LAMA2: variants seen among roughly 807,000 people sequenced by gnomAD.
The protein encoded by LAMA2 is laminin subunit alpha 2, also known as laminin subunit alpha-2.
In LAMA2, 269 loss-of-function variants were observed where a neutral mutation model predicts 364.8. The observed-to-expected ratio is 0.74, with a 90% CI of 0.67 to 0.82. LAMA2 has a LOEUF of 0.82. LAMA2 is among the 40% of genes least tolerant of loss of function. LAMA2 has a pLI of 0.00. For synonymous variants in LAMA2, 1,379 were observed against 1,370.6 expected, an observed-to-expected ratio of 1.01 and a Z score of -0.14; for missense variants, 3,807 against 3,873.2, an observed-to-expected ratio of 0.98 and a Z score of 0.45.
At chr6:129,467,374 G>C (rs1318172656) in intron 51 of LAMA2, among the ~76,000 whole-genome samples, 2 of 151,786 alleles carry the variant, frequency 1.3e-5, no homozygotes, top group Non-Finnish European at 2.9e-5. Flanking sequence ...GGGAGGAGAA[G>C]GGGTGAAGAT....
At chr6:129,353,424 G>A (rs1257533185) in intron 32 of LAMA2, 67 bp downstream of exon 32, 3 of 1,283,454 alleles carry the variant, frequency 2.3e-6, no homozygotes, top group Non-Finnish European at 3.4e-6. Context: ...TTTCCAATGA[G>A]AAAGAGTGAC....
intron 31 of LAMA2, among the ~76,000 whole-genome samples, chr6:129,349,979 G>A (rs1397945257): frequency 6.6e-6 from 1 of 152,156 alleles, no homozygotes; most frequent in Non-Finnish European, 1.5e-5. Flanking sequence ...CATAATGCAT[G>A]TATACAGCTG....
intron 3 of LAMA2, among the ~76,000 whole-genome samples, chr6:129,071,364 CTTGA>C (rs990962298): frequency 6.6e-6 from 1 of 151,860 alleles, no homozygotes; most frequent in Admixed American, 6.6e-5. Context: ...CAGTTTTGGG[CTTGA>C]TTGATTTTCT....
intron 1 of LAMA2, among the ~76,000 whole-genome samples, chr6:128,985,775 AT>A (rs1783195310): frequency 6.6e-6 from 1 of 152,150 alleles, no homozygotes; most frequent in South Asian, 2.1e-4. Flanking sequence ...ATCTGCAAAT[AT>A]TTAAGTATGC....
intron 12 of LAMA2, among the ~76,000 whole-genome samples, chr6:129,249,406 A>G (rs1008003279): frequency 6.6e-6 from 1 of 152,198 alleles, no homozygotes; most frequent in African/African-American, 2.4e-5. Flanking sequence ...AATTTCTACA[A>G]GGTGACTGTC....
intron 37 of LAMA2, among the ~76,000 whole-genome samples, chr6:129,393,764 G>T (rs1779454734): frequency 6.6e-6 from 1 of 151,930 alleles, no homozygotes; most frequent in South Asian, 2.1e-4. Context: ...AAAAATCATA[G>T]AAGTTCCCTA....
chr6:128,995,694 C>T (rs1783893639), intron 1 of LAMA2, among the ~76,000 whole-genome samples: 2 of 152,046 alleles, frequency 1.3e-5, no homozygotes, highest in African/African-American at 2.4e-5. Context: ...TCTGTTGTTC[C>T]CACTTTTATG....
At chr6:129,163,065 T>A (rs918188751) in intron 8 of LAMA2, among the ~76,000 whole-genome samples, 1 of 152,174 alleles carries the variant, frequency 6.6e-6, no homozygotes, top group African/African-American at 2.4e-5. Context: ...AACTATAAAT[T>A]GAGATTTTAT....
chr6:129,366,942 C>G (rs1045332517), intron 33 of LAMA2, among the ~76,000 whole-genome samples: 1 of 152,160 alleles, frequency 6.6e-6, no homozygotes, highest in African/African-American at 2.4e-5. Flanking sequence ...GCCATAGGCT[C>G]AAACACACAG....
chr6:129,161,730 C>T (rs867568412), intron 8 of LAMA2, among the ~76,000 whole-genome samples: 1 of 152,152 alleles, frequency 6.6e-6, no homozygotes, highest in South Asian at 2.1e-4. Flanking sequence ...TTTAGCTCCA[C>T]TCATAAGAGA....
intron 17 of LAMA2, among the ~76,000 whole-genome samples, chr6:129,276,088 TCA>T (rs1788306020): frequency 6.6e-6 from 1 of 152,056 alleles, no homozygotes; most frequent in Non-Finnish European, 1.5e-5. Context: ...AACACCAAAA[TCA>T]TGAAGTAAAT....
In LAMA2 at chr6:129,370,255, C is replaced by T. The variant is rs11961868; in HGVS notation, c.4959+265C>T. Among the ~76,000 whole-genome samples, 1,346 of 152,276 alleles carry T rather than the reference C, an allele frequency of 8.8e-3. 21 individuals carry two copies. Among genetic ancestry groups the T allele is most frequent in the African/African-American group, 0.031 (1,294 of 41,552 alleles). On this transcript the variant is annotated intron_variant, in intron 34 of 64. Transcript: ENST00000421865. Reference sequence around the variant, plus strand: ...TTTTGAGAACTTTATTCAGTAGCCTCCGTGGTAAAGTTTGTATCTGTTCTG... The same window carrying T: ...TTTTGAGAACTTTATTCAGTAGCCTTCGTGGTAAAGTTTGTATCTGTTCTG...
At position 129,029,685 on chromosome 6, in the gene LAMA2, G is replaced by A. The variant is rs569899964; in HGVS notation, c.113-20233G>A. ...AACTGGAAAAAAACAGATATGCTCCGAAATATATGAATTGTGAGATAAACT... is the reference window on the plus strand; with the variant it reads ...AACTGGAAAAAAACAGATATGCTCCAAAATATATGAATTGTGAGATAAACT... On this transcript the variant is annotated intron_variant, in intron 1 of 64. Transcript: ENST00000421865. Among the ~76,000 whole-genome samples, 8 of 151,996 alleles carry A rather than the reference G, an allele frequency of 5.3e-5. No individual in the cohort carries two copies. The East Asian group carries it at 5.8e-4, about 11-fold the overall frequency.
chr6:129,298,918 A>G lies in LAMA2; in HGVS notation c.3037+1053A>G, dbSNP rs144379457. On this transcript the variant is annotated intron_variant, in intron 21 of 64. Coordinates refer to ENST00000421865, the MANE Select transcript of LAMA2 (RefSeq NM_000426.4). ...TGTATATCTCTAAGCCAATATCTGT[A>G]TAACTTAAAAATTATAAAGCTGTAT... Among the ~76,000 whole-genome samples, 693 of 152,298 alleles carry G rather than the reference A, an allele frequency of 4.6e-3. 10 individuals are homozygous for G. Among genetic ancestry groups the G allele is most frequent in the African/African-American group, 0.015 (636 of 41,570 alleles).
Position 128,883,223 on chromosome 6 carries a change from T to A in LAMA2, c.-23T>A. 1 of 1,547,400 alleles carries A rather than the reference T, an allele frequency of 6.5e-7. No individual in the cohort carries two copies. The highest frequency in any genetic ancestry group is 8.7e-7 in the Non-Finnish European group (1 of 1,146,842). ...AGCGACTCCTCTGGCTCCCGAGAAGTGGATCCGGTCGCGGCCACTACGATG... is the reference window on the plus strand; with the variant it reads ...AGCGACTCCTCTGGCTCCCGAGAAGAGGATCCGGTCGCGGCCACTACGATG... On this transcript the variant is annotated 5_prime_UTR_variant, in exon 1 of 65. Coordinates refer to ENST00000421865, the MANE Select transcript of LAMA2 (RefSeq NM_000426.4).
In LAMA2 at chr6:129,323,824, T is replaced by C. The variant is rs560578649; in HGVS notation, c.4176+3169T>C. On this transcript the variant is annotated intron_variant, in intron 28 of 64. Transcript: ENST00000421865. ...AAATTTGTCAATGATCTCTAGGTCATGTTTTGATAGTTTCAGCTTCTATCC... is the reference window on the plus strand; with the variant it reads ...AAATTTGTCAATGATCTCTAGGTCACGTTTTGATAGTTTCAGCTTCTATCC... Among the ~76,000 whole-genome samples the C allele has an allele frequency of 3.0e-4, 45 of 152,368 alleles. No homozygotes were observed. In the East Asian group the frequency reaches 7.5e-3, roughly 25 times the overall value.
intron 14 of LAMA2, among the ~76,000 whole-genome samples, chr6:129,253,237 A>T (rs1786392952): frequency 6.6e-6 from 1 of 152,228 alleles, no homozygotes; most frequent in Admixed American, 6.5e-5. Flanking sequence ...AAGGTGTCAT[A>T]GGAACTTCCT....
At chr6:129,411,682 C>T (rs975826178) in intron 40 of LAMA2, among the ~76,000 whole-genome samples, 3 of 150,008 alleles carry the variant, frequency 2.0e-5, no homozygotes, top group Admixed American at 6.6e-5. Context: ...GGAGGAAACA[C>T]GCTGATAAGA....
At chr6:129,177,586 T>C (rs1294685832) in intron 9 of LAMA2, 120 bp from the exon 10 acceptor site, 15 of 964,190 alleles carry the variant, frequency 1.6e-5, no homozygotes, top group South Asian at 1.3e-4. Context: ...TTTATTGATA[T>C]ATATAAAAAA....
Sources: gnomAD v4.1 joint callset for allele counts (sites outside exome capture counted in the v4.1 genomes callset) on GRCh38, gnomAD v4.1.1 for gene constraint, MANE v1.5 for transcripts, NCBI Gene and HGNC (gene_info 2026-07-23, HGNC 2026-07-21) for gene names.